Variants in TMTC4 observed in about 807,000 individuals in gnomAD.
TMTC4 encodes the protein transmembrane O-mannosyltransferase targeting cadherins 4.
In TMTC4, 65 loss-of-function variants were observed where a neutral mutation model predicts 86.0. The observed-to-expected ratio is 0.76, with a 90% CI of 0.62 to 0.93. The LOEUF (loss-of-function observed/expected upper bound fraction) is 0.93. TMTC4 is among the 40% of genes least tolerant of loss of function. TMTC4 has a pLI of 0.00. For missense variants in TMTC4, 866 were observed against 948.1 expected (o/e 0.91, Z 1.14); for synonymous variants, 379 against 382.5 (o/e 0.99, Z 0.11).
chr13:100,625,331 C>T, intron 15 of TMTC4: 1 of 661,614 alleles, frequency 1.5e-6, no homozygotes, highest in African/African-American at 1.8e-5. Flanking sequence ...TTAAACTTGA[C>T]TAATTCACAC....
intron 6 of TMTC4, among the ~76,000 whole-genome samples, chr13:100,644,662 G>A (rs1203117507): frequency 6.6e-6 from 1 of 152,126 alleles, no homozygotes; most frequent in Non-Finnish European, 1.5e-5. Context: ...CAAATTTCTA[G>A]ATTTAAAATA....
At chr13:100,663,777 T>G (rs1886082960) in intron 4 of TMTC4, among the ~76,000 whole-genome samples, 3 of 152,266 alleles carry the variant, frequency 2.0e-5, no homozygotes, top group South Asian at 4.1e-4. Flanking sequence ...AGAACCTTTG[T>G]GAGGTAAATG....
At position 100,604,929 on chromosome 13, in the gene TMTC4, A is replaced by G; in HGVS notation, c.*65T>C. The G allele has an allele frequency of 6.6e-7, 1 of 1,522,516 alleles. No individual in the cohort carries two copies. The highest frequency in any genetic ancestry group is 1.3e-5 in the South Asian group (1 of 76,004). The allele number at this position is 1,522,516 out of a possible 1,614,324, so 94.3% of individuals were successfully genotyped here. A position where few individuals can be genotyped will look rare whatever the true frequency, so the allele number is the denominator to read the frequency against. On this transcript the variant is annotated 3_prime_UTR_variant, in exon 19 of 19. Transcript: ENST00000342624. ...GACTTTTAAATGGTTAAATGTAACCACATACTATTAATGATATGCCTCATG... is the reference window on the plus strand; with the variant it reads ...GACTTTTAAATGGTTAAATGTAACCGCATACTATTAATGATATGCCTCATG...
intron 6 of TMTC4, among the ~76,000 whole-genome samples, chr13:100,650,412 A>G (rs1884285801): frequency 6.6e-6 from 1 of 152,218 alleles, no homozygotes; most frequent in African/African-American, 2.4e-5. Flanking sequence ...CGTGCCTCGG[A>G]TTTGGCACTC....
In TMTC4 at chr13:100,634,956, G is replaced by A; in HGVS notation, c.1375-20C>T. On this transcript the variant is annotated intron_variant, in intron 11 of 18. Transcript: ENST00000342624. ...GAGTTTCTTAAGAACAGAAAGACAT[G>A]GTAATTGTCACCAGTGAGATGCATC... 2 of 1,612,794 alleles carry A rather than the reference G, an allele frequency of 1.2e-6. No homozygotes were observed. The highest frequency in any genetic ancestry group is 1.7e-6 in the Non-Finnish European group (2 of 1,179,188).
chr13:100,634,139 C>CAA (rs113105859), intron 12 of TMTC4, among the ~76,000 whole-genome samples: 5 of 88,146 alleles, frequency 5.7e-5, no homozygotes, highest in Non-Finnish European at 4.7e-5. Context: ...GACCCAGTCT[C>CAA]AAAAAAAAAA....
chr13:100,664,436 G>A (rs186426046), intron 3 of TMTC4, 100 bp from the exon 4 acceptor site: 24 of 761,434 alleles, frequency 3.2e-5, no homozygotes, highest in Non-Finnish European at 2.1e-5. Context: ...GCCTCCTAGC[G>A]GGGATGCTGT....
intron 15 of TMTC4, among the ~76,000 whole-genome samples, chr13:100,618,215 T>C (rs1393884170): frequency 6.6e-6 from 1 of 152,240 alleles, no homozygotes; most frequent in Non-Finnish European, 1.5e-5. Flanking sequence ...AAGTTGTTTA[T>C]GAGTTCCAGG....
At chr13:100,673,255 C>T (rs1442150640) in intron 1 of TMTC4, 2 of 943,342 alleles carry the variant, frequency 2.1e-6, no homozygotes, top group East Asian at 1.2e-4. Flanking sequence ...ACCATGAGGG[C>T]CCAATGACAG....
intron 6 of TMTC4, 76 bp downstream of exon 6, chr13:100,656,305 C>A: frequency 7.8e-7 from 1 of 1,286,904 alleles, no homozygotes; most frequent in South Asian, 1.3e-5. Flanking sequence ...GATTCTTTCC[C>A]GTATGTTAAG....
At chr13:100,668,188 G>A (rs1487082408) in intron 3 of TMTC4, among the ~76,000 whole-genome samples, 3 of 150,652 alleles carry the variant, frequency 2.0e-5, no homozygotes, top group South Asian at 4.2e-4. Flanking sequence ...GATCACACCC[G>A]TCCATCACTG....
intron 3 of TMTC4, among the ~76,000 whole-genome samples, chr13:100,665,605 T>C (rs1361127596): frequency 6.6e-6 from 1 of 152,190 alleles, no homozygotes; most frequent in Admixed American, 6.6e-5. Context: ...GCGCACCTGA[T>C]GGGACAGCCC....
intron 12 of TMTC4, among the ~76,000 whole-genome samples, chr13:100,631,727 G>C (rs1881386861): frequency 6.6e-6 from 1 of 152,096 alleles, no homozygotes. Flanking sequence ...ATATTCAATA[G>C]ATATCAAATG....
chr13:100,663,092 C>A lies in TMTC4; in HGVS notation c.424G>T (p.Val142Leu), dbSNP rs776062695. The A allele has an allele frequency of 1.9e-6, 3 of 1,614,226 alleles. No individual in the cohort carries two copies. Among genetic ancestry groups the A allele is most frequent in the Non-Finnish European group, 2.5e-6 (3 of 1,180,050 alleles). ...LLHSGISVLM[V>L]DVFSVLFGGL... Reference sequence around the variant, plus strand: ...CCAAACAGAACCGAGAAGACGTCCACCATGAGGACAGAGATGCCACTGTGC... The same window carrying A: ...CCAAACAGAACCGAGAAGACGTCCAACATGAGGACAGAGATGCCACTGTGC... The change falls in exon 5 of 19, where the codon GTG becomes TTG. Residue 142 changes from valine to leucine, a missense_variant. By Grantham distance (32) the Val-to-Leu change is conservative. Transcript: ENST00000342624.
intron 6 of TMTC4, among the ~76,000 whole-genome samples, chr13:100,647,535 C>T (rs1206200145): frequency 6.6e-6 from 1 of 152,158 alleles, no homozygotes; most frequent in East Asian, 1.9e-4. Flanking sequence ...ATGTAACAGT[C>T]TCTGTTCTTA....
chr13:100,665,902 G>A, intron 3 of TMTC4: 1 of 406,034 alleles, frequency 2.5e-6, no homozygotes, highest in South Asian at 1.8e-5. Context: ...GCAGGTTAGA[G>A]ATTCTGTGAA....
chr13:100,666,123 T>C, intron 3 of TMTC4: 2 of 449,932 alleles, frequency 4.4e-6, no homozygotes, highest in Middle Eastern at 3.3e-4. Flanking sequence ...GAAAGAAAGG[T>C]CAATTCTTCC....
intron 15 of TMTC4, among the ~76,000 whole-genome samples, chr13:100,620,032 A>G (rs1879237790): frequency 6.6e-6 from 1 of 151,810 alleles, no homozygotes. Context: ...CTCAAATTCT[A>G]CTCATCTTAC....
At chr13:100,634,590 G>C (rs866528652) in intron 12 of TMTC4, among the ~76,000 whole-genome samples, 1 of 151,954 alleles carries the variant, frequency 6.6e-6, no homozygotes, top group Non-Finnish European at 1.5e-5. Context: ...GATACTGTCT[G>C]CTTTTAAATG....
Sources: allele counts gnomAD v4.1 joint callset (sites outside exome capture counted in the v4.1 genomes callset), GRCh38; gene constraint gnomAD v4.1.1; transcripts MANE v1.5; gene names NCBI Gene and HGNC (gene_info 2026-07-23, HGNC 2026-07-21).